The following HLF variants were observed in gnomAD, a reference collection of about 807,000 sequenced individuals.
HLF encodes HLF transcription factor, PAR bZIP family member.
Under a neutral mutation model 22.6 loss-of-function variants are expected in HLF, and 3 were observed. The observed-to-expected ratio is 0.13, with a 90% CI of 0.06 to 0.34. The LOEUF (loss-of-function observed/expected upper bound fraction) is 0.34, where lower values mean the gene tolerates loss of function less well. Ranked by LOEUF, HLF falls within the 10% of genes least tolerant of loss-of-function variation. The pLI is 1.00. For synonymous variants in HLF, 151 were observed against 151.8 expected (o/e 0.99, Z 0.04); for missense variants, 299 against 389.2 (o/e 0.77, Z 1.95).
chr17:55,314,812 TC>T (rs2145370223), intron 2 of HLF, among the ~76,000 whole-genome samples: 1 of 152,304 alleles, frequency 6.6e-6, no homozygotes, highest in South Asian at 2.1e-4. Flanking sequence ...ATTACTTCCA[TC>T]CCAACATCTG....
chr17:55,312,841 T>C (rs1214328885), intron 2 of HLF, among the ~76,000 whole-genome samples: 2 of 152,232 alleles, frequency 1.3e-5, no homozygotes, highest in East Asian at 3.8e-4. Flanking sequence ...ACAATTCTTA[T>C]ACTAAAATTT....
At chr17:55,265,698 C>T (rs2080781318) in intron 1 of HLF, 99 bp downstream of exon 1, 8 of 1,078,454 alleles carry the variant, frequency 7.4e-6, no homozygotes, top group African/African-American at 1.7e-5. Context: ...AACCCCGCTC[C>T]CGCCCTGTCC....
At chr17:55,290,910 G>T (rs937291415) in intron 2 of HLF, among the ~76,000 whole-genome samples, 5 of 152,216 alleles carry the variant, frequency 3.3e-5, no homozygotes, top group African/African-American at 1.2e-4. Context: ...CAGCCGTATT[G>T]CTGATATGAA....
chr17:55,265,176 T>C lies in HLF; in HGVS notation c.-309T>C, dbSNP rs1234523281. The C allele has an allele frequency of 2.4e-5, 6 of 252,374 alleles. No individual in the cohort carries two copies. The highest frequency in any genetic ancestry group is 4.5e-5 in the Non-Finnish European group (6 of 132,684). The allele number at this position is 252,374 out of a possible 1,614,324, so 15.6% of individuals were successfully genotyped here. On this transcript the variant is annotated 5_prime_UTR_variant, in exon 1 of 4. Transcript: ENST00000226067. The stretch of plus-strand genomic sequence containing the variant: ...TTTTTTTTCTTTCTTTTTTTCAATT[T>C]TGAACATTTTGCAAAACGAGGGGTT...
In HLF at chr17:55,320,108, T is replaced by C. The variant is rs914604055; in HGVS notation, c.673-556T>C. Among the ~76,000 whole-genome samples the C allele has an allele frequency of 9.9e-5, 15 of 152,232 alleles. No homozygotes were observed. Among genetic ancestry groups the C allele is most frequent in the African/African-American group, 2.7e-4 (11 of 41,458 alleles). On this transcript the variant is annotated intron_variant, in intron 3 of 3. Transcript: ENST00000226067. The surrounding 1 kb of genome is among the most constrained non-coding windows in gnomAD (Gnocchi z 4.2). ...CATAGTTTTTCCTCATTTTTTCTAC[T>C]GCACATAATGCTGCAGTGAACAGTT...
At chr17:55,277,994 C>T (rs185698736) in intron 2 of HLF, among the ~76,000 whole-genome samples, 18 of 152,312 alleles carry the variant, frequency 1.2e-4, no homozygotes, top group Admixed American at 1.2e-3. Flanking sequence ...CACTACCCAT[C>T]CAATCTCATT....
At chr17:55,311,082 A>G (rs936854059) in intron 2 of HLF, among the ~76,000 whole-genome samples, 1 of 148,352 alleles carries the variant, frequency 6.7e-6, no homozygotes, top group Non-Finnish European at 1.5e-5. Flanking sequence ...AAATATTATT[A>G]TATTTAAAAC....
At chr17:55,292,253 A>G (rs1460028935) in intron 2 of HLF, among the ~76,000 whole-genome samples, 2 of 152,220 alleles carry the variant, frequency 1.3e-5, no homozygotes, top group Non-Finnish European at 1.5e-5. Context: ...CTACAGAAAA[A>G]TGTTTCCTGA....
At chr17:55,317,590 A>AT (rs1905119560) in intron 3 of HLF, among the ~76,000 whole-genome samples, 1 of 152,188 alleles carries the variant, frequency 6.6e-6, no homozygotes, top group Admixed American at 6.5e-5. Context: ...GTCCTTGGAT[A>AT]TTTTTTAGTT....
chr17:55,322,953 T>C lies in HLF; in HGVS notation c.*2074T>C, dbSNP rs1905311965. 4.4e-6 allele frequency: 1 copy of C among 224,954 alleles called. No individual in the cohort carries two copies. The highest frequency in any genetic ancestry group is 5.7e-5 in the Admixed American group (1 of 17,510). The allele number at this position is 224,954 out of a possible 1,614,324, so 13.9% of individuals were successfully genotyped here. A position where few individuals can be genotyped will look rare whatever the true frequency, so the allele number is the denominator to read the frequency against. ...ATTCTGCTGTTACGACAAAGAAACA[T>C]TTTACGCTAGATTAAAATATCCTTT... is the stretch of plus-strand genomic sequence containing the variant. On this transcript the variant is annotated 3_prime_UTR_variant, in exon 4 of 4. Transcript: ENST00000226067.
At chr17:55,300,155 T>A (rs539580241) in intron 2 of HLF, among the ~76,000 whole-genome samples, 1 of 152,188 alleles carries the variant, frequency 6.6e-6, no homozygotes, top group African/African-American at 2.4e-5. Flanking sequence ...TTAACAGATA[T>A]AGTAATGCAG....
chr17:55,272,876 T>C (rs994842681), intron 2 of HLF: 1 of 152,350 alleles, frequency 6.6e-6, no homozygotes, highest in African/African-American at 2.4e-5. Flanking sequence ...CCATGACTGA[T>C]AGTAGCTGTG....
intron 2 of HLF, among the ~76,000 whole-genome samples, chr17:55,298,754 T>A (rs555800553): frequency 6.6e-6 from 1 of 152,344 alleles, no homozygotes; most frequent in South Asian, 2.1e-4. Context: ...ACCCCATTTT[T>A]ATTACGTGTG....
At chr17:55,284,556 G>T (rs1193927833) in intron 2 of HLF, among the ~76,000 whole-genome samples, 1 of 152,178 alleles carries the variant, frequency 6.6e-6, no homozygotes, top group African/African-American at 2.4e-5. Flanking sequence ...TCCATAATTA[G>T]CTGGTGATGG....
chr17:55,302,899 G>A (rs995471853), intron 2 of HLF, among the ~76,000 whole-genome samples: 4 of 152,224 alleles, frequency 2.6e-5, no homozygotes, highest in Non-Finnish European at 5.9e-5. Flanking sequence ...ATCCTAGGGG[G>A]ACCGAGGTAA....
rs60023059 is a variant in HLF at position 55,277,241 on chromosome 17, ATGTGTGTGTGTG to A, written c.451+9178_451+9189del. Among the ~76,000 whole-genome samples the A allele has an allele frequency of 2.8e-4, 29 of 101,872 alleles. No individual in the cohort carries two copies. In the South Asian group the frequency reaches 3.5e-3, roughly 12 times the overall value. 66.8% of individuals were successfully genotyped at this position (101,872 alleles called of 152,430 possible). A position where few individuals can be genotyped will look rare whatever the true frequency, so the allele number is the denominator to read the frequency against. ...GTATATTGAACCAGATGTTATGTGTATGTGTGTGTGTGTGTGTGTGTGTGTGTGTGTGTGCGC... is the reference window on the plus strand; with the variant it reads ...GTATATTGAACCAGATGTTATGTGTATGTGTGTGTGTGTGTGTGTGTGCGC... On this transcript the variant is annotated intron_variant, in intron 2 of 3. Coordinates refer to ENST00000226067, the MANE Select transcript of HLF (RefSeq NM_002126.5).
In HLF at chr17:55,324,790, A is replaced by AGTGTGTGT. The variant is rs72476932; in HGVS notation, c.*3923_*3930dup. The AGTGTGTGT allele has an allele frequency of 9.0e-3, 1,950 of 216,392 alleles. 41 individuals carry two copies. Among genetic ancestry groups the AGTGTGTGT allele is most frequent in the African/African-American group, 0.041 (1,800 of 44,312 alleles). 13.4% of individuals were successfully genotyped at this position (216,392 alleles called of 1,614,324 possible). A position where few individuals can be genotyped will look rare whatever the true frequency, so the allele number is the denominator to read the frequency against. On this transcript the variant is annotated 3_prime_UTR_variant, in exon 4 of 4. Coordinates refer to ENST00000226067, the MANE Select transcript of HLF (RefSeq NM_002126.5). ...CATTTTGCAGGAGGCTAAGTGTAAG[A>AGTGTGTGT]GTGTGTGTGTGTGTGTGTGCGTGCA...
At chr17:55,300,736 A>G (rs1432923732) in intron 2 of HLF, among the ~76,000 whole-genome samples, 2 of 152,122 alleles carry the variant, frequency 1.3e-5, no homozygotes, top group East Asian at 1.9e-4. Context: ...TCTGCTGTTG[A>G]TGTAGGTGAG....
chr17:55,287,123 G>A, intron 2 of HLF, among the ~76,000 whole-genome samples: 1 of 152,194 alleles, frequency 6.6e-6, no homozygotes, highest in Non-Finnish European at 1.5e-5. Flanking sequence ...TAATACTGTT[G>A]CAATCACATT....
Sources: allele counts gnomAD v4.1 joint callset (sites outside exome capture counted in the v4.1 genomes callset), GRCh38; gene constraint gnomAD v4.1.1; non-coding constraint Gnocchi (gnomAD v3.1); transcripts MANE v1.5; gene names NCBI Gene and HGNC (gene_info 2026-07-23, HGNC 2026-07-21).